Variants in FGD6 observed in about 807,000 individuals in gnomAD.
The protein encoded by FGD6 is FYVE, RhoGEF and PH domain-containing protein 6.
In FGD6, 90 loss-of-function variants were observed where a neutral mutation model predicts 149.4. The observed-to-expected ratio is 0.60, with a 90% CI of 0.51 to 0.72. The LOEUF is 0.72. Ranked by LOEUF, FGD6 falls within the 30% of genes least tolerant of loss-of-function variation. The pLI is 0.00. For synonymous variants in FGD6, 527 were observed against 584.0 expected (o/e 0.90, Z 1.41); for missense variants, 1,437 against 1,684.8 (o/e 0.85, Z 2.57).
rs748646889 is a variant in FGD6, at chr12:95,092,713, G to GGCA, written c.3730_3732dup (p.Cys1244dup). ...TCATCGCCAACCTTTCCACAGGCCC[G>GGCA]GCAGTGGTGTCGTCTCCAGGTGAGA... On this transcript the variant is annotated inframe_insertion, in exon 16 of 21. Coordinates refer to ENST00000343958, the MANE Select transcript of FGD6 (RefSeq NM_018351.4). 1 of 1,613,988 alleles carries GGCA rather than the reference G, an allele frequency of 6.2e-7. No individual in the cohort carries two copies. Among genetic ancestry groups the GGCA allele is most frequent in the South Asian group, 1.1e-5 (1 of 91,056 alleles).
chr12:95,102,461 A>C (rs1386073249), intron 14 of FGD6, among the ~76,000 whole-genome samples: 15 of 151,376 alleles, frequency 9.9e-5, no homozygotes, highest in South Asian at 6.2e-4. Flanking sequence ...AAAAAAAAAA[A>C]AAAAAACACA....
chr12:95,124,666 T>C (rs1879285684), intron 8 of FGD6, among the ~76,000 whole-genome samples: 1 of 152,178 alleles, frequency 6.6e-6, no homozygotes, highest in Admixed American at 6.5e-5. Context: ...TAGCAATGTC[T>C]ATGGGTAGAA....
intron 2 of FGD6, among the ~76,000 whole-genome samples, chr12:95,196,330 T>C (rs932809495): frequency 2.6e-5 from 4 of 151,846 alleles, no homozygotes; most frequent in African/African-American, 9.7e-5. Context: ...AGGCTGGTCT[T>C]GAACTCCTGG....
intron 5 of FGD6, among the ~76,000 whole-genome samples, chr12:95,141,828 G>A (rs1370084016): frequency 2.0e-5 from 3 of 152,060 alleles, no homozygotes; most frequent in African/African-American, 4.8e-5. Context: ...GCGAGTGTCT[G>A]GAAATTGTAA....
intron 15 of FGD6, among the ~76,000 whole-genome samples, chr12:95,093,626 A>G (rs1321081791): frequency 6.6e-6 from 1 of 150,990 alleles, no homozygotes; most frequent in Admixed American, 6.6e-5. Flanking sequence ...TGGTGAGCCG[A>G]GATTGTGCCA....
chr12:95,087,648 A>G (rs1877923374), intron 18 of FGD6, among the ~76,000 whole-genome samples: 1 of 152,236 alleles, frequency 6.6e-6, no homozygotes, highest in Non-Finnish European at 1.5e-5. Flanking sequence ...TCTGGAGATA[A>G]TAAATGTATG....
chr12:95,149,543 T>TAA (rs1340001585), intron 5 of FGD6, among the ~76,000 whole-genome samples: 6 of 138,752 alleles, frequency 4.3e-5, no homozygotes. Context: ...TATATATATA[T>TAA]AATATATATA....
intron 5 of FGD6, among the ~76,000 whole-genome samples, chr12:95,142,079 C>A (rs1330867929): frequency 6.6e-6 from 1 of 151,606 alleles, no homozygotes; most frequent in Non-Finnish European, 1.5e-5. Context: ...AATCTCAGCT[C>A]ATGGCAACTT....
At chr12:95,090,096 G>A (rs370810662) in intron 17 of FGD6, among the ~76,000 whole-genome samples, 3 of 152,082 alleles carry the variant, frequency 2.0e-5, no homozygotes, top group Admixed American at 1.3e-4. Flanking sequence ...GGACACGGAT[G>A]AAGAAGTAAT....
chr12:95,139,496 A>C (rs1163862707), intron 6 of FGD6, among the ~76,000 whole-genome samples: 1 of 151,794 alleles, frequency 6.6e-6, no homozygotes, highest in African/African-American at 2.4e-5. Context: ...ACTTAAGAAA[A>C]AAAAAAAGAT....
rs557924697 is a variant in FGD6 at position 95,133,955 on chromosome 12, T to C, written c.3082+784A>G. Among the ~76,000 whole-genome samples the C allele has an allele frequency of 2.5e-4, 38 of 152,306 alleles. No homozygotes were observed. In the South Asian group the frequency reaches 4.4e-3, roughly 17 times the overall value. On this transcript the variant is annotated intron_variant, in intron 8 of 20. Transcript: ENST00000343958. ...GTTCCTTCACTCAAACACAGTGTTTTTGCTTTTTTCTTTCCTTCTTTTTTC... is the reference window on the plus strand; with the variant it reads ...GTTCCTTCACTCAAACACAGTGTTTCTGCTTTTTTCTTTCCTTCTTTTTTC...
At chr12:95,191,344 C>T (rs1041371965) in intron 2 of FGD6, among the ~76,000 whole-genome samples, 1 of 152,214 alleles carries the variant, frequency 6.6e-6, no homozygotes, top group African/African-American at 2.4e-5. Context: ...TCCAAGGGAG[C>T]TTTGTTTTAG....
chr12:95,089,190 A>G (rs1397967589), intron 18 of FGD6, among the ~76,000 whole-genome samples: 1 of 152,248 alleles, frequency 6.6e-6, no homozygotes, highest in Non-Finnish European at 1.5e-5. Context: ...GTGCATAACC[A>G]ACCAATGCCT....
intron 2 of FGD6, among the ~76,000 whole-genome samples, chr12:95,191,204 C>T (rs1000530983): frequency 6.6e-6 from 1 of 152,198 alleles, no homozygotes; most frequent in Non-Finnish European, 1.5e-5. Context: ...TGCTTTCTTT[C>T]TGCAGGTTTG....
At chr12:95,175,363 A>G (rs529719499) in intron 2 of FGD6, among the ~76,000 whole-genome samples, 1 of 152,294 alleles carries the variant, frequency 6.6e-6, no homozygotes, top group South Asian at 2.1e-4. Context: ...TGATATCAGA[A>G]AGCAACAGGT....
intron 8 of FGD6, among the ~76,000 whole-genome samples, chr12:95,134,374 C>A (rs1879607103): frequency 6.6e-6 from 1 of 152,094 alleles, no homozygotes; most frequent in Non-Finnish European, 1.5e-5. Context: ...GTGGGAGTGA[C>A]CCTCTAAACT....
intron 8 of FGD6, 57 bp from the exon 9 acceptor site, chr12:95,113,758 ATATCTTT>A (rs1878913839): frequency 2.6e-6 from 3 of 1,150,440 alleles, no homozygotes; most frequent in Non-Finnish European, 3.8e-6. Context: ...CCCCAAACAC[ATATCTTT>A]CTTTTTCAAT....
rs1877615364 is a variant in FGD6 at position 95,079,893 on chromosome 12, G to A, written c.*1627C>T. 1 of 151,368 alleles carries A rather than the reference G, an allele frequency of 6.6e-6. No individual in the cohort carries two copies. Among genetic ancestry groups the A allele is most frequent in the East Asian group, 1.9e-4 (1 of 5,176 alleles). 9.4% of individuals were successfully genotyped at this position (151,368 alleles called of 1,614,324 possible). On this transcript the variant is annotated 3_prime_UTR_variant, in exon 21 of 21. Coordinates refer to ENST00000343958, the MANE Select transcript of FGD6 (RefSeq NM_018351.4). ...GAAATCCTTTATTTAGAGGCAGAAAGGAAAATTCTTGTACCCTTTAAAGAA... is the reference window on the plus strand; with the variant it reads ...GAAATCCTTTATTTAGAGGCAGAAAAGAAAATTCTTGTACCCTTTAAAGAA...
intron 2 of FGD6, among the ~76,000 whole-genome samples, chr12:95,207,509 T>C (rs1044457905): frequency 6.6e-6 from 1 of 152,236 alleles, no homozygotes; most frequent in Non-Finnish European, 1.5e-5. Flanking sequence ...AAAGGGTCCA[T>C]GTGCTTTTTT....
Sources: allele counts gnomAD v4.1 joint callset (sites outside exome capture counted in the v4.1 genomes callset), GRCh38; gene constraint gnomAD v4.1.1; transcripts MANE v1.5; gene names NCBI Gene and HGNC (gene_info 2026-07-23, HGNC 2026-07-21).